Variants in SLC39A14 observed in about 807,000 individuals in gnomAD.
The protein encoded by SLC39A14 is solute carrier family 39 member 14.
Under a neutral mutation model 45.5 loss-of-function variants are expected in SLC39A14, and 19 were observed. The ratio of observed to expected loss-of-function variants is 0.42; its 90% CI spans 0.29 to 0.61. The LOEUF is 0.61. Ranked by LOEUF, SLC39A14 falls within the 20% of genes least tolerant of loss-of-function variation. The pLI is 0.22. For missense variants in SLC39A14, 447 were observed against 616.5 expected, an observed-to-expected ratio of 0.73 and a Z score of 2.91; for synonymous variants, 264 against 251.3, an observed-to-expected ratio of 1.05 and a Z score of -0.48.
At position 22,420,371 on chromosome 8, in the gene SLC39A14, AACAGC is replaced by A; in HGVS notation, c.*676_*680del. 1.0e-6 allele frequency: 1 copy of A among 985,456 alleles called. No homozygotes were observed. The highest frequency in any genetic ancestry group is 1.2e-6 in the Non-Finnish European group (1 of 829,950). The allele number at this position is 985,456 out of a possible 1,614,324, so 61.0% of individuals were successfully genotyped here. ...CTGAGATGCTGGATATTGATTTTGT[AACAGC>A]ACCTGGTGTTTCACGGCTGTCCGAG... is the stretch of plus-strand genomic sequence containing the variant. On this transcript the variant is annotated 3_prime_UTR_variant, in exon 9 of 9. Coordinates refer to ENST00000381237, the MANE Select transcript of SLC39A14 (RefSeq NM_001128431.4).
chr8:22,394,544 C>T (rs191666895), intron 1 of SLC39A14, among the ~76,000 whole-genome samples: 112 of 152,024 alleles, frequency 7.4e-4, no homozygotes, highest in Non-Finnish European at 1.3e-3. Context: ...TGGTCTTGAT[C>T]TCCTGACCTT....
chr8:22,423,376 C>T (rs1399844639), downstream of SLC39A14, among the ~76,000 whole-genome samples: 6 of 151,198 alleles, frequency 4.0e-5, no homozygotes, highest in Non-Finnish European at 5.9e-5. Context: ...CACTCTATTG[C>T]CCAGGCTGGA....
At chr8:22,380,776 A>C (rs757671183) in intron 1 of SLC39A14, among the ~76,000 whole-genome samples, 17 of 151,778 alleles carry the variant, frequency 1.1e-4, no homozygotes, top group Non-Finnish European at 2.1e-4. Flanking sequence ...TCCCGGGCTC[A>C]AGTGATCCTT....
intron 1 of SLC39A14, among the ~76,000 whole-genome samples, chr8:22,385,864 A>G (rs1270477975): frequency 1.3e-5 from 2 of 152,170 alleles, no homozygotes; most frequent in African/African-American, 4.8e-5. Flanking sequence ...AGAATGAAAA[A>G]GATTTTATTC....
chr8:22,372,130 T>C (rs1252781150), intron 1 of SLC39A14, among the ~76,000 whole-genome samples: 1 of 152,170 alleles, frequency 6.6e-6, no homozygotes, highest in Non-Finnish European at 1.5e-5. Context: ...AGTCTTTAGA[T>C]CCCTTATTTA....
Position 22,383,926 on chromosome 8 carries a change from G to A in SLC39A14, c.-16+16518G>A, listed in dbSNP as rs1233168968. 2.0e-5 allele frequency among the ~76,000 whole-genome samples: 3 copies of A among 152,272 alleles called. No individual in the cohort carries two copies. The East Asian group carries it at 5.8e-4, about 29-fold the overall frequency. ...TTCCCATCTCCCTTCCCAGAAAGAT[G>A]CAAAAAGTACAAAGTCACCCACTCC... On this transcript the variant is annotated intron_variant, in intron 1 of 8. Coordinates refer to ENST00000381237, the MANE Select transcript of SLC39A14 (RefSeq NM_001128431.4).
intron 1 of SLC39A14, among the ~76,000 whole-genome samples, chr8:22,376,259 C>T (rs560748468): frequency 1.3e-5 from 2 of 151,662 alleles, no homozygotes; most frequent in African/African-American, 4.8e-5. Context: ...GCAGCCTCCA[C>T]CTCCCAGTTT....
chr8:22,412,614 G>GT (rs1409629102), intron 4 of SLC39A14, among the ~76,000 whole-genome samples: 1 of 152,138 alleles, frequency 6.6e-6, no homozygotes, highest in Non-Finnish European at 1.5e-5. Flanking sequence ...CTTAGTTGTG[G>GT]TGCTCAGATT....
At position 22,421,415 on chromosome 8, in the gene SLC39A14, T is replaced by C. The variant is rs2132387324; in HGVS notation, c.*1717T>C. On this transcript the variant is annotated 3_prime_UTR_variant, in exon 9 of 9. Coordinates refer to ENST00000381237, the MANE Select transcript of SLC39A14 (RefSeq NM_001128431.4). ...TTTGTTTTTATCTTGCCTGTTGGCT[T>C]CAATACATTTGAGAATACGCTGAAG... 1.0e-6 allele frequency: 1 copy of C among 985,892 alleles called. No individual in the cohort carries two copies. The highest frequency in any genetic ancestry group is 5.2e-4 in the Middle Eastern group (1 of 1,914). The allele number at this position is 985,892 out of a possible 1,614,324, so 61.1% of individuals were successfully genotyped here.
At chr8:22,430,557 C>A (rs1836450915) in intron 8 of SLC39A14, among the ~76,000 whole-genome samples, 1 of 152,176 alleles carries the variant, frequency 6.6e-6, no homozygotes, top group Non-Finnish European at 1.5e-5. Context: ...TGGTATCTTA[C>A]CTGTGGAACC....
chr8:22,377,604 C>A (rs1008270896), intron 1 of SLC39A14, among the ~76,000 whole-genome samples: 2 of 152,152 alleles, frequency 1.3e-5, no homozygotes, highest in Non-Finnish European at 2.9e-5. Flanking sequence ...TTATTTTAGT[C>A]TTTCCCTTTT....
intron 7 of SLC39A14, among the ~76,000 whole-genome samples, chr8:22,417,363 C>T (rs1229908137): frequency 6.6e-6 from 1 of 152,124 alleles, no homozygotes; most frequent in Non-Finnish European, 1.5e-5. Context: ...GGAGACGGGT[C>T]CTGAACAGGA....
chr8:22,425,189 G>GTT (rs1046066023), downstream of SLC39A14, among the ~76,000 whole-genome samples: 1 of 151,084 alleles, frequency 6.6e-6, no homozygotes, highest in Non-Finnish European at 1.5e-5. Context: ...ATTTAGAAAT[G>GTT]TAAGTTTGAG....
intron 1 of SLC39A14, among the ~76,000 whole-genome samples, chr8:22,388,251 T>C (rs1467644117): frequency 6.6e-6 from 1 of 152,194 alleles, no homozygotes; most frequent in Admixed American, 6.5e-5. Flanking sequence ...TGCTATGTCC[T>C]GCAGTACACC....
intron 1 of SLC39A14, among the ~76,000 whole-genome samples, chr8:22,376,160 G>A (rs1833202786): frequency 1.3e-5 from 2 of 151,944 alleles, no homozygotes; most frequent in Admixed American, 6.6e-5. Context: ...TATTCATCAT[G>A]TCACAGTTTT....
Position 22,422,025 on chromosome 8 carries a change from G to A in SLC39A14, c.*2327G>A. On this transcript the variant is annotated 3_prime_UTR_variant, in exon 9 of 9. Transcript: ENST00000381237. ...ACATCGTCTGACTTGAGTCGCCACT[G>A]ATTGTGGCAACAGCTTTGCCTCATG... is the stretch of plus-strand genomic sequence containing the variant. The A allele has an allele frequency of 1.0e-6, 1 of 985,368 alleles. No homozygotes were observed. Among genetic ancestry groups the A allele is most frequent in the Non-Finnish European group, 1.2e-6 (1 of 829,844 alleles). 61.0% of individuals were successfully genotyped at this position (985,368 alleles called of 1,614,324 possible).
intron 8 of SLC39A14, among the ~76,000 whole-genome samples, chr8:22,418,347 G>A (rs1836014008): frequency 1.3e-5 from 2 of 152,106 alleles, no homozygotes; most frequent in Admixed American, 1.3e-4. Flanking sequence ...GTTAGCATAT[G>A]TCATTAAAGA....
downstream of SLC39A14, among the ~76,000 whole-genome samples, chr8:22,426,188 G>T (rs544491832): frequency 6.6e-6 from 1 of 151,734 alleles, no homozygotes; most frequent in East Asian, 1.9e-4. Context: ...CACCGCGCCC[G>T]GCTTGTTTTT....
At chr8:22,397,422 C>CA (rs1377141048) in intron 1 of SLC39A14, among the ~76,000 whole-genome samples, 2 of 152,072 alleles carry the variant, frequency 1.3e-5, no homozygotes, top group African/African-American at 2.4e-5. Context: ...ACTAAAAATG[C>CA]AAAAAATTAG....
Sources: gnomAD v4.1 joint callset for allele counts (sites outside exome capture counted in the v4.1 genomes callset) on GRCh38, gnomAD v4.1.1 for gene constraint, MANE v1.5 for transcripts, NCBI Gene and HGNC (gene_info 2026-07-23, HGNC 2026-07-21) for gene names.